Variants in RPRD2 observed in about 807,000 individuals in gnomAD.
RPRD2 encodes regulation of nuclear pre-mRNA domain containing 2, also known as regulation of nuclear pre-mRNA domain-containing protein 2.
A neutral mutation model predicts 104.4 loss-of-function variants in RPRD2; 12 were observed. That is an observed-to-expected ratio of 0.11 (90% confidence interval 0.07 to 0.19). RPRD2 has a LOEUF of 0.19. Among genes scored for constraint, RPRD2 ranks in the 10% least tolerant of loss-of-function variants. The pLI, the probability that RPRD2 is intolerant of heterozygous loss-of-function variation, is 1.00. For synonymous variants in RPRD2, 714 were observed against 684.9 expected, an observed-to-expected ratio of 1.04 and a Z score of -0.66; for missense variants, 1,543 against 1,790.1, an observed-to-expected ratio of 0.86 and a Z score of 2.49.
intron 1 of RPRD2, among the ~76,000 whole-genome samples, chr1:150,388,302 GTA>G (rs1363571080): frequency 3.3e-5 from 5 of 151,342 alleles, no homozygotes; most frequent in African/African-American, 1.2e-4. Context: ...GAGAGTGCTT[GTA>G]TGTGTGTGTA....
In RPRD2 at chr1:150,458,652, G is replaced by C. The variant is rs587614205; in HGVS notation, c.1153+1082G>C. Among the ~76,000 whole-genome samples, 35 of 151,994 alleles carry C rather than the reference G, an allele frequency of 2.3e-4. 1 individual carries two copies. In the East Asian group the frequency reaches 4.6e-3, roughly 20 times the overall value. On this transcript the variant is annotated intron_variant, in intron 8 of 10. Transcript: ENST00000369068. ...TGTTTCTTTTTATTTGTTTGTTTTT[G>C]AGAGAAAAAGAGAGTTTCCCTCTGT...
intron 1 of RPRD2, among the ~76,000 whole-genome samples, chr1:150,386,878 A>G (rs1303514731): frequency 6.6e-6 from 1 of 152,176 alleles, no homozygotes; most frequent in Non-Finnish European, 1.5e-5. Context: ...ACAGTAGTGA[A>G]TTTTATTCAG....
Position 150,473,556 on chromosome 1 carries a change from TA to T in RPRD2, c.*245del, listed in dbSNP as rs61486244. 0.22 allele frequency: 21,551 copies of T among 98,260 alleles called. 1,743 individuals are homozygous for T. Among genetic ancestry groups the T allele is most frequent in the Non-Finnish European group, 0.23 (11,975 of 51,962 alleles). 6.1% of individuals were successfully genotyped at this position (98,260 alleles called of 1,614,324 possible). A position where few individuals can be genotyped will look rare whatever the true frequency, so the allele number is the denominator to read the frequency against. On this transcript the variant is annotated 3_prime_UTR_variant, in exon 11 of 11. Transcript: ENST00000369068. ...TCTACCTTCCCCAAGTTGTTTGTAT[TA>T]AAAAAAAAAAAAAAAAAAAAAAGTA...
At chr1:150,434,671 C>T (rs1431204836) in intron 2 of RPRD2, among the ~76,000 whole-genome samples, 1 of 151,872 alleles carries the variant, frequency 6.6e-6, no homozygotes, top group African/African-American at 2.4e-5. Flanking sequence ...CAAAAATTAG[C>T]CAGGTGGTAG....
At chr1:150,375,358 A>G (rs1479630872) in intron 1 of RPRD2, among the ~76,000 whole-genome samples, 3 of 152,354 alleles carry the variant, frequency 2.0e-5, no homozygotes, top group African/African-American at 2.4e-5. Flanking sequence ...GTGAAACACT[A>G]CTGACAAACT....
At chr1:150,386,329 A>G (rs1661565576) in intron 1 of RPRD2, among the ~76,000 whole-genome samples, 1 of 152,248 alleles carries the variant, frequency 6.6e-6, no homozygotes, top group East Asian at 1.9e-4. Context: ...TCATGCCTGT[A>G]ATGCCGGCAT....
At chr1:150,445,885 A>G (rs1157455472) in intron 6 of RPRD2, among the ~76,000 whole-genome samples, 2 of 152,060 alleles carry the variant, frequency 1.3e-5, no homozygotes, top group African/African-American at 4.8e-5. Context: ...TGGCTAACAC[A>G]GTGAAACCCC....
intron 8 of RPRD2, among the ~76,000 whole-genome samples, chr1:150,459,655 C>T (rs1470751857): frequency 6.7e-6 from 1 of 150,246 alleles, no homozygotes; most frequent in Non-Finnish European, 1.5e-5. Flanking sequence ...TGCAGTGGCA[C>T]AATCTCGGCT....
At chr1:150,421,148 A>G (rs1664727719) in intron 2 of RPRD2, among the ~76,000 whole-genome samples, 1 of 152,210 alleles carries the variant, frequency 6.6e-6, no homozygotes, top group East Asian at 1.9e-4. Flanking sequence ...ATGATGATCA[A>G]CTAATAAGAT....
In RPRD2 at chr1:150,472,411, G is replaced by T. The variant is rs755798197; in HGVS notation, c.3463G>T (p.Gly1155Cys). 5 of 1,613,802 alleles carry T rather than the reference G, an allele frequency of 3.1e-6. No homozygotes were observed. Among genetic ancestry groups the T allele is most frequent in the Non-Finnish European group, 4.2e-6 (5 of 1,179,876 alleles). ...ASELASLGGGGSGGLTGFKTA... is the reference protein window; with the variant it reads ...ASELASLGGGCSGGLTGFKTA... The stretch of plus-strand genomic sequence containing the variant: ...TGAGTTGGCATCCCTTGGGGGTGGG[G>T]GCAGCGGAGGCCTCACTGGCTTTAA... The change falls in exon 11 of 11, where the codon GGC becomes TGC. Residue 1155 changes from glycine (G) to cysteine (C), a missense_variant. This residue lies in a region of RPRD2 where 880 missense variants were observed against 885.6 expected (regional missense o/e 0.99). Transcript: ENST00000369068.
chr1:150,464,485 A>G, intron 9 of RPRD2, 42 bp from the exon 10 acceptor site: 2 of 1,508,748 alleles, frequency 1.3e-6, no homozygotes, highest in Non-Finnish European at 1.8e-6. Flanking sequence ...AATTGAAGTC[A>G]TTTTGAATTG....
intron 1 of RPRD2, among the ~76,000 whole-genome samples, chr1:150,368,153 A>C (rs1659980488): frequency 6.7e-6 from 1 of 149,152 alleles, no homozygotes; most frequent in South Asian, 2.1e-4. Context: ...GTTTAGATCA[A>C]ATCTCAACTA....
At chr1:150,430,177 A>G (rs1665454854) in intron 2 of RPRD2, among the ~76,000 whole-genome samples, 1 of 152,228 alleles carries the variant, frequency 6.6e-6, no homozygotes, top group Non-Finnish European at 1.5e-5. Context: ...AGTTTCAGAG[A>G]TTGGAATTAT....
intron 4 of RPRD2, 68 bp downstream of exon 4, chr1:150,442,026 A>G: frequency 1.6e-6 from 2 of 1,234,882 alleles, no homozygotes; most frequent in Non-Finnish European, 2.3e-6. Context: ...AATGTAGACC[A>G]TTTGACATCG....
At chr1:150,415,956 G>A (rs185648425) in intron 1 of RPRD2, among the ~76,000 whole-genome samples, 10 of 152,222 alleles carry the variant, frequency 6.6e-5, no homozygotes, top group African/African-American at 4.8e-5. Context: ...GTAAAGATTC[G>A]GGCCTGACAA....
intron 1 of RPRD2, among the ~76,000 whole-genome samples, chr1:150,401,959 T>TTA (rs1663061390): frequency 1.1e-5 from 1 of 89,148 alleles, no homozygotes; most frequent in Non-Finnish European, 2.0e-5. Flanking sequence ...TTTTTTTTAA[T>TTA]TTTTTTTTTT....
intron 7 of RPRD2, among the ~76,000 whole-genome samples, chr1:150,449,360 G>A (rs1667004216): frequency 6.6e-6 from 1 of 152,042 alleles, no homozygotes; most frequent in South Asian, 2.1e-4. Context: ...GAAAATCTTT[G>A]ACTTTGCAGT....
Position 150,473,314 on chromosome 1 carries a change from T to C in RPRD2, c.4366T>C (p.Phe1456Leu). Residue 1456 changes from phenylalanine (F) to leucine (L), a missense_variant, in exon 11 of 11, where the codon TTC (phenylalanine) becomes CTC (leucine). Physicochemically the swap from Phe to Leu is conservative, Grantham distance 22. Around this residue, in one of 4 missense-constraint regions of RPRD2, gnomAD observed 880 missense variants for 885.6 expected, o/e 0.99. Transcript: ENST00000369068. ...GPPFFAPKRP[F>L]FPPRY ...TCCGTTCTTTGCACCAAAACGCCCA[T>C]TCTTCCCTCCCAGGTACTGATGGAA... The C allele has an allele frequency of 1.9e-6, 3 of 1,612,030 alleles. No homozygotes were observed. The highest frequency in any genetic ancestry group is 2.5e-6 in the Non-Finnish European group (3 of 1,179,008).
chr1:150,451,976 AC>A (rs1553896682), intron 7 of RPRD2, among the ~76,000 whole-genome samples: 1 of 151,634 alleles, frequency 6.6e-6, no homozygotes, highest in Non-Finnish European at 1.5e-5. Flanking sequence ...CCCCGTCTAT[AC>A]TAAAAATAGG....
Sources: allele counts gnomAD v4.1 joint callset (sites outside exome capture counted in the v4.1 genomes callset), GRCh38; gene constraint gnomAD v4.1.1; regional missense constraint gnomAD v4.1.1; transcripts MANE v1.5; gene names NCBI Gene and HGNC (gene_info 2026-07-23, HGNC 2026-07-21).